DCLK1: variants seen among roughly 807,000 people sequenced by gnomAD.
The protein encoded by DCLK1 is doublecortin like kinase 1.
In DCLK1, 16 loss-of-function variants were observed where a neutral mutation model predicts 86.2. The ratio of observed to expected loss-of-function variants is 0.19; its 90% confidence interval spans 0.13 to 0.28. DCLK1 has a LOEUF of 0.28. Ranked by LOEUF, DCLK1 falls within the 10% of genes least tolerant of loss-of-function variation. DCLK1 has a pLI of 1.00. For missense variants in DCLK1, 590 were observed against 940.2 expected, an observed-to-expected ratio of 0.63 and a Z score of 4.87; for synonymous variants, 369 against 370.5, an observed-to-expected ratio of 1.00 and a Z score of 0.05.
chr13:35,802,794 T>C (rs1311971139), intron 15 of DCLK1, among the ~76,000 whole-genome samples: 1 of 151,974 alleles, frequency 6.6e-6, no homozygotes, highest in East Asian at 1.9e-4. Context: ...GTGTGTTCAG[T>C]TATATACACT....
chr13:35,825,486 C>A (rs1280607819), intron 10 of DCLK1, among the ~76,000 whole-genome samples: 1 of 152,150 alleles, frequency 6.6e-6, no homozygotes, highest in Non-Finnish European at 1.5e-5. Flanking sequence ...ACCAAGCACA[C>A]GATTGACAGA....
intron 3 of DCLK1, among the ~76,000 whole-genome samples, chr13:36,079,222 G>A (rs1884328072): frequency 6.6e-6 from 1 of 152,214 alleles, no homozygotes; most frequent in Non-Finnish European, 1.5e-5. Flanking sequence ...GGCTGATCCA[G>A]CAGCTCAAAA....
intron 3 of DCLK1, among the ~76,000 whole-genome samples, chr13:35,991,026 A>T (rs1880195425): frequency 6.6e-6 from 1 of 152,100 alleles, no homozygotes; most frequent in South Asian, 2.1e-4. Flanking sequence ...GGAGTTCAAA[A>T]CATGCTACCC....
chr13:36,107,383 G>A (rs1284023559), intron 3 of DCLK1, among the ~76,000 whole-genome samples: 4 of 134,558 alleles, frequency 3.0e-5, no homozygotes, highest in Non-Finnish European at 4.6e-5. Flanking sequence ...TCACTCTGTC[G>A]CCCAGGCTGG....
Position 36,112,142 on chromosome 13 carries a change from C to A in DCLK1, c.450G>T (p.Trp150Cys). Residue 150 changes from tryptophan to cysteine, a missense_variant, in exon 3 of 17, where the codon TGG becomes TGT. Around this residue, in one of 6 missense-constraint regions of DCLK1, gnomAD observed 195 missense variants for 365.1 expected, o/e 0.53. Transcript: ENST00000360631. ...CCGAGGTGGTCTTGACGTTCACCGA[C>A]CAGTTGGGGTTCACATTCTTGGTGT... Reference protein sequence around the residue: ...LEYTKNVNPNWSVNVKTTSAS... With the variant: ...LEYTKNVNPNCSVNVKTTSAS... The A allele has an allele frequency of 6.2e-7, 1 of 1,612,958 alleles. No individual in the cohort carries two copies. Among genetic ancestry groups the A allele is most frequent in the Non-Finnish European group, 8.5e-7 (1 of 1,179,110 alleles).
chr13:35,813,275 C>A (rs1032288753), intron 11 of DCLK1, among the ~76,000 whole-genome samples: 4 of 152,178 alleles, frequency 2.6e-5, no homozygotes, highest in Admixed American at 1.3e-4. Flanking sequence ...GTAATTTATT[C>A]AACCCACTTG....
chr13:36,043,807 T>C (rs1433761446), intron 3 of DCLK1, among the ~76,000 whole-genome samples: 5 of 152,202 alleles, frequency 3.3e-5, no homozygotes, highest in East Asian at 3.8e-4. Flanking sequence ...AAAACAAATA[T>C]TGCAGATGAA....
At chr13:36,027,934 G>T (rs1882111138) in intron 3 of DCLK1, among the ~76,000 whole-genome samples, 1 of 152,150 alleles carries the variant, frequency 6.6e-6, no homozygotes, top group African/African-American at 2.4e-5. Flanking sequence ...GTTTCCTGTT[G>T]CCCAGGCTGG....
At chr13:36,093,968 G>C (rs555266203) in intron 3 of DCLK1, among the ~76,000 whole-genome samples, 14 of 152,050 alleles carry the variant, frequency 9.2e-5, no homozygotes, top group Non-Finnish European at 1.6e-4. Context: ...TGTCCAGTAT[G>C]GTATCAAACT....
intron 5 of DCLK1, among the ~76,000 whole-genome samples, chr13:35,860,328 C>A (rs943241621): frequency 6.6e-6 from 1 of 151,414 alleles, no homozygotes; most frequent in Non-Finnish European, 1.5e-5. Flanking sequence ...GTGGGGGGTG[C>A]ATAGGGAATC....
intron 4 of DCLK1, among the ~76,000 whole-genome samples, chr13:35,942,416 C>T (rs1470002136): frequency 9.9e-5 from 15 of 152,274 alleles, no homozygotes; most frequent in Non-Finnish European, 2.1e-4. Context: ...TTCTTCTGAC[C>T]TCGTGATCCA....
chr13:36,131,836 T>C (rs1418962351), upstream of DCLK1, among the ~76,000 whole-genome samples: 2 of 152,198 alleles, frequency 1.3e-5, no homozygotes, highest in Non-Finnish European at 2.9e-5. Context: ...CACCTTCTCA[T>C]CCTTTTTGCC....
rs374262823 is a variant in DCLK1 at position 36,045,069 on chromosome 13, TAGA to T, written c.723+66797_723+66799del. On this transcript the variant is annotated intron_variant, in intron 3 of 16. Coordinates refer to ENST00000360631, the MANE Select transcript of DCLK1 (RefSeq NM_001330071.2). ...ATAATATTCTATTTCTTAATCTGAG[TAGA>T]AGGATTCATGACTTTTTTCAAAATT... Among the ~76,000 whole-genome samples the T allele has an allele frequency of 5.9e-3, 886 of 151,370 alleles. 7 individuals are homozygous for T. The highest frequency in any genetic ancestry group is 0.021 in the African/African-American group (855 of 41,352).
intron 3 of DCLK1, among the ~76,000 whole-genome samples, chr13:36,093,452 T>C (rs1351046416): frequency 6.6e-6 from 1 of 152,180 alleles, no homozygotes; most frequent in African/African-American, 2.4e-5. Flanking sequence ...TAGTAGACCA[T>C]GACTTCCATG....
intron 3 of DCLK1, among the ~76,000 whole-genome samples, chr13:35,993,258 A>T (rs1880316368): frequency 6.6e-6 from 1 of 152,166 alleles, no homozygotes; most frequent in African/African-American, 2.4e-5. Context: ...GCCTTCGATC[A>T]ATCACCTCTC....
chr13:35,881,456 CTCCTCTGCCTGCCTTTGAG>C (rs1314688118), intron 4 of DCLK1, among the ~76,000 whole-genome samples: 1 of 152,194 alleles, frequency 6.6e-6, no homozygotes, highest in Non-Finnish European at 1.5e-5. Context: ...AGCACTCCTA[CTCCTCTGCCTGCCTTTGAG>C]TCCCTGCCAA....
intron 3 of DCLK1, among the ~76,000 whole-genome samples, chr13:36,011,630 G>C (rs1488895200): frequency 6.6e-6 from 1 of 152,006 alleles, no homozygotes; most frequent in Admixed American, 6.6e-5. Flanking sequence ...ATTTCCTGAG[G>C]AGAGCTTTAC....
At chr13:36,011,477 G>A (rs1364828945) in intron 3 of DCLK1, among the ~76,000 whole-genome samples, 5 of 127,654 alleles carry the variant, frequency 3.9e-5, no homozygotes, top group Admixed American at 8.1e-5. Flanking sequence ...CCTTCATTTC[G>A]TTATGTACCC....
intron 5 of DCLK1, chr13:35,855,618 G>C: frequency 1.9e-6 from 3 of 1,540,198 alleles, no homozygotes; most frequent in Non-Finnish European, 2.6e-6. Context: ...GAATCGGTTG[G>C]ATGAGTTTAA....
Sources: gnomAD v4.1 joint callset for allele counts (sites outside exome capture counted in the v4.1 genomes callset) on GRCh38, gnomAD v4.1.1 for gene constraint, gnomAD v4.1.1 regional missense constraint, MANE v1.5 for transcripts, NCBI Gene and HGNC (gene_info 2026-07-23, HGNC 2026-07-21) for gene names.